The following RBFOX1 variants were observed in gnomAD, a reference collection of about 807,000 sequenced individuals.
RBFOX1 encodes RNA binding protein fox-1 homolog 1.
A neutral mutation model predicts 57.7 loss-of-function variants in RBFOX1; 8 were observed. That is an observed-to-expected ratio of 0.14 (90% CI 0.08 to 0.25). RBFOX1 has a LOEUF of 0.25. Ranked by LOEUF, RBFOX1 falls within the 10% of genes least tolerant of loss-of-function variation. RBFOX1 has a pLI of 1.00. For missense variants in RBFOX1, 611 were observed against 548.5 expected (o/e 1.11, Z -1.14); for synonymous variants, 326 against 222.4 (o/e 1.47, Z -4.15).
At chr16:5,299,335 A>G (rs1340302298) in intron 1 of RBFOX1, among the ~76,000 whole-genome samples, 1 of 152,126 alleles carries the variant, frequency 6.6e-6, no homozygotes, top group Non-Finnish European at 1.5e-5. Context: ...TTTGTTATTT[A>G]TCTACCAGTG....
chr16:6,989,870 G>A (rs1476771461), intron 3 of RBFOX1, among the ~76,000 whole-genome samples: 1 of 151,866 alleles, frequency 6.6e-6, no homozygotes, highest in African/African-American at 2.4e-5. Context: ...CCTGGTGATG[G>A]GCACCGTATA....
chr16:6,890,500 C>G (rs951594908), intron 3 of RBFOX1, among the ~76,000 whole-genome samples: 2 of 147,650 alleles, frequency 1.4e-5, no homozygotes, highest in African/African-American at 5.0e-5. Context: ...GCCTGGGCAA[C>G]AGAGCGAGAC....
intron 3 of RBFOX1, among the ~76,000 whole-genome samples, chr16:6,951,532 A>G (rs1414689540): frequency 6.6e-6 from 1 of 152,078 alleles, no homozygotes; most frequent in Non-Finnish European, 1.5e-5. Context: ...AGACTCATAG[A>G]GTAGGAGCAG....
chr16:6,454,667 A>C (rs561879267), intron 2 of RBFOX1, among the ~76,000 whole-genome samples: 1 of 152,106 alleles, frequency 6.6e-6, no homozygotes, highest in Non-Finnish European at 1.5e-5. Flanking sequence ...CTTCACCTAC[A>C]TGTGCATTCT....
chr16:6,189,320 G>A (rs901062517), intron 1 of RBFOX1, among the ~76,000 whole-genome samples: 2 of 152,244 alleles, frequency 1.3e-5, no homozygotes, highest in Non-Finnish European at 2.9e-5. Context: ...AGGACACTGA[G>A]TGCCATTCCC....
intron 2 of RBFOX1, among the ~76,000 whole-genome samples, chr16:6,631,018 A>T (rs563279077): frequency 6.6e-6 from 1 of 152,130 alleles, no homozygotes; most frequent in Non-Finnish European, 1.5e-5. Context: ...TTGGTTGTCA[A>T]CCCAGCTGGA....
intron 2 of RBFOX1, among the ~76,000 whole-genome samples, chr16:6,576,010 AC>A (rs2097429738): frequency 6.6e-6 from 1 of 152,070 alleles, no homozygotes; most frequent in African/African-American, 2.4e-5. Flanking sequence ...CAAAGCAAAA[AC>A]TGTCAGGAGC....
intron 1 of RBFOX1, among the ~76,000 whole-genome samples, chr16:5,345,507 C>T (rs970996633): frequency 2.0e-5 from 3 of 152,242 alleles, no homozygotes; most frequent in African/African-American, 7.2e-5. Flanking sequence ...TAGCAGCCCC[C>T]AAGCCCTGGG....
chr16:5,809,981 A>T (rs548563761), intron 3 of RBFOX1, among the ~76,000 whole-genome samples: 29 of 152,324 alleles, frequency 1.9e-4, no homozygotes, highest in African/African-American at 7.0e-4. Context: ...TACACCACGG[A>T]ATACTATGCA....
chr16:6,417,779 T>TTA (rs199837877), intron 2 of RBFOX1, among the ~76,000 whole-genome samples: 52 of 90,950 alleles, frequency 5.7e-4, no homozygotes, highest in South Asian at 3.2e-3. Context: ...GTCATAGGTT[T>TTA]TTTTTTTTTT....
At chr16:6,521,423 T>A (rs2096494737) in intron 2 of RBFOX1, among the ~76,000 whole-genome samples, 1 of 150,504 alleles carries the variant, frequency 6.6e-6, no homozygotes, top group South Asian at 2.2e-4. Context: ...CTTTTTTCTC[T>A]TCCTTCCCTT....
chr16:7,201,452 CT>C (rs71147669), intron 4 of RBFOX1, among the ~76,000 whole-genome samples: 56,434 of 145,950 alleles, frequency 0.39, 12,071 homozygotes, highest in African/African-American at 0.6. Context: ...CGATCTGATT[CT>C]TTTTTTTTTT....
chr16:7,431,556 C>G (rs1278866969), intron 4 of RBFOX1, among the ~76,000 whole-genome samples: 4 of 152,116 alleles, frequency 2.6e-5, no homozygotes, highest in African/African-American at 4.8e-5. Flanking sequence ...CTTAATATGT[C>G]TTTTATTTTT....
chr16:6,946,633 G>T (rs1318148414), intron 3 of RBFOX1, among the ~76,000 whole-genome samples: 1 of 151,774 alleles, frequency 6.6e-6, no homozygotes, highest in Non-Finnish European at 1.5e-5. Flanking sequence ...GTTAGGGTCT[G>T]GTTCAGTCAC....
intron 4 of RBFOX1, among the ~76,000 whole-genome samples, chr16:7,335,595 AAAAAAAAAAAAAAAC>A (rs200381098): frequency 0.37 from 54,904 of 150,168 alleles, 11,888 homozygotes; most frequent in African/African-American, 0.62. Context: ...AAAAAAAAAA[AAAAAAAAAAAAAAAC>A]CAAGTGATTT....
chr16:7,703,987 T>C (rs1345788558), intron 14 of RBFOX1, among the ~76,000 whole-genome samples: 1 of 152,220 alleles, frequency 6.6e-6, no homozygotes, highest in Non-Finnish European at 1.5e-5. Context: ...TGTATCATAA[T>C]CTCCTCTATC....
chr16:7,658,700 G>A (rs2066935544), intron 12 of RBFOX1, among the ~76,000 whole-genome samples: 1 of 152,152 alleles, frequency 6.6e-6, no homozygotes, highest in Admixed American at 6.5e-5. Context: ...TTTCATGTGA[G>A]TACAATGGGG....
chr16:6,921,842 G>A (rs1414221911), intron 3 of RBFOX1, among the ~76,000 whole-genome samples: 1 of 151,982 alleles, frequency 6.6e-6, no homozygotes. Flanking sequence ...GCTGCATTCT[G>A]TTGGTTGGAA....
At chr16:5,747,265 G>C (rs1299653431) in intron 3 of RBFOX1, among the ~76,000 whole-genome samples, 1 of 152,196 alleles carries the variant, frequency 6.6e-6, no homozygotes, top group African/African-American at 2.4e-5. Flanking sequence ...GCTTTGTGAT[G>C]TGCTGCTGGA....
Sources: allele counts gnomAD v4.1 joint callset (sites outside exome capture counted in the v4.1 genomes callset), GRCh38; gene constraint gnomAD v4.1.1; transcripts MANE v1.5; gene names NCBI Gene and HGNC (gene_info 2026-07-23, HGNC 2026-07-21).